CD82: variants seen among roughly 807,000 people sequenced by gnomAD.
CD82 encodes CD82 antigen.
In CD82, 36 loss-of-function variants were observed where a neutral mutation model predicts 37.4. The observed-to-expected ratio is 0.96, with a 90% CI of 0.74 to 1.27. The LOEUF (loss-of-function observed/expected upper bound fraction) is 1.27, where lower values mean the gene tolerates loss of function less well. CD82 is among the 50% of genes most tolerant of loss of function. The pLI is 0.00. For missense variants in CD82, 340 were observed against 347.0 expected (o/e 0.98, Z 0.16); for synonymous variants, 158 against 137.4 (o/e 1.15, Z -1.05).
intron 1 of CD82, among the ~76,000 whole-genome samples, chr11:44,566,886 T>A (rs908915930): frequency 6.6e-6 from 1 of 152,082 alleles, no homozygotes; most frequent in Non-Finnish European, 1.5e-5. Flanking sequence ...ATCACTCTAT[T>A]TGAGGGATGA....
At chr11:44,605,972 A>G (rs1853389342) in intron 6 of CD82, among the ~76,000 whole-genome samples, 1 of 152,228 alleles carries the variant, frequency 6.6e-6, no homozygotes, top group Admixed American at 6.5e-5. Flanking sequence ...AGAAAATCAG[A>G]CTTACAGCGG....
chr11:44,590,479 C>T (rs1162611884), intron 2 of CD82, among the ~76,000 whole-genome samples: 3 of 151,170 alleles, frequency 2.0e-5, no homozygotes, highest in Non-Finnish European at 4.4e-5. Flanking sequence ...GGCATGGTGG[C>T]GGGCGCCTGT....
At chr11:44,596,860 G>T (rs1853235047) in intron 3 of CD82, 2 of 455,508 alleles carry the variant, frequency 4.4e-6, no homozygotes, top group Non-Finnish European at 8.8e-6. Flanking sequence ...GGGAGCAGTG[G>T]GCTTCCATCA....
At chr11:44,583,198 C>G (rs1853005778) in intron 1 of CD82, among the ~76,000 whole-genome samples, 1 of 152,194 alleles carries the variant, frequency 6.6e-6, no homozygotes, top group African/African-American at 2.4e-5. Flanking sequence ...AACAGTCAAG[C>G]AAGGGAGCTG....
chr11:44,586,663 C>T (rs1480460019), intron 1 of CD82, among the ~76,000 whole-genome samples: 2 of 152,106 alleles, frequency 1.3e-5, no homozygotes, highest in Admixed American at 6.5e-5. Context: ...CCTGTCTCAA[C>T]AAATATATAC....
chr11:44,583,682 G>T (rs1853013018), intron 1 of CD82, among the ~76,000 whole-genome samples: 1 of 152,184 alleles, frequency 6.6e-6, no homozygotes, highest in African/African-American at 2.4e-5. Flanking sequence ...CACTTGTGTG[G>T]CCTTAGGCAA....
At position 44,597,595 on chromosome 11, in the gene CD82, G is replaced by C. The variant is rs1214947029; in HGVS notation, c.64-2563G>C. On this transcript the variant is annotated intron_variant, in intron 3 of 9. Coordinates refer to ENST00000227155, the MANE Select transcript of CD82 (RefSeq NM_002231.4). This position sits in a 1 kb window ranked among gnomAD's most constrained non-coding sequence, Gnocchi z 4.1. ...TTGCTCTCTGGGTTCCTCTTGGCAA[G>C]CTGAGGAGCCAGCTGAGTAGTGTGG... 2.0e-5 allele frequency among the ~76,000 whole-genome samples: 3 copies of C among 152,262 alleles called. No individual in the cohort carries two copies. The highest frequency in any genetic ancestry group is 3.2e-3 in the Middle Eastern group (1 of 316).
At chr11:44,598,799 C>T (rs891999171) in intron 3 of CD82, among the ~76,000 whole-genome samples, 1 of 152,142 alleles carries the variant, frequency 6.6e-6, no homozygotes, top group Non-Finnish European at 1.5e-5. Flanking sequence ...GCTCGGGGCT[C>T]TATGGCAGCT....
chr11:44,591,689 C>CA (rs1853147253), intron 2 of CD82, among the ~76,000 whole-genome samples: 1 of 152,186 alleles, frequency 6.6e-6, no homozygotes, highest in South Asian at 2.1e-4. Flanking sequence ...TCTGGTCTGC[C>CA]AGGGATAGGA....
At chr11:44,565,315 C>G (rs1852713284), upstream of CD82, among the ~76,000 whole-genome samples, 1 of 151,986 alleles carries the variant, frequency 6.6e-6, no homozygotes, top group African/African-American at 2.4e-5. Flanking sequence ...ACCGGGAGGA[C>G]GAGGTAGGCG....
At chr11:44,566,486 A>C (rs545819561) in intron 1 of CD82, among the ~76,000 whole-genome samples, 2 of 152,212 alleles carry the variant, frequency 1.3e-5, no homozygotes, top group East Asian at 3.9e-4. Flanking sequence ...TTCTTGGCTG[A>C]CGGGTTCTGT....
At chr11:44,609,913 G>T (rs1853456502) in intron 6 of CD82, among the ~76,000 whole-genome samples, 1 of 152,170 alleles carries the variant, frequency 6.6e-6, no homozygotes, top group South Asian at 2.1e-4. Flanking sequence ...CTGCATTCTG[G>T]GGTAGCTAAT....
intron 6 of CD82, among the ~76,000 whole-genome samples, chr11:44,612,694 G>A (rs1240792551): frequency 9.9e-5 from 14 of 141,136 alleles, no homozygotes; most frequent in South Asian, 4.6e-4. Flanking sequence ...GTGCAGTGGC[G>A]TGATCTCGGC....
chr11:44,600,986 AG>A (rs1480423202), intron 4 of CD82, among the ~76,000 whole-genome samples: 1 of 152,216 alleles, frequency 6.6e-6, no homozygotes, highest in East Asian at 1.9e-4. Context: ...CAGAGGCAGA[AG>A]GAAAGGGGCC....
intron 3 of CD82, among the ~76,000 whole-genome samples, chr11:44,598,495 C>T (rs538307420): frequency 1.8e-4 from 25 of 139,132 alleles, no homozygotes; most frequent in African/African-American, 4.5e-4. Context: ...TCACTGCCAC[C>T]GCCGCTTCCT....
chr11:44,619,013 C>A (rs1853614320), intron 9 of CD82, 36 bp from the exon 10 acceptor site: 2 of 1,592,146 alleles, frequency 1.3e-6, no homozygotes, highest in Non-Finnish European at 1.7e-6. Flanking sequence ...GGCCGGGACA[C>A]CCAGCCTCCC....
chr11:44,612,873 G>A (rs1026551462), intron 6 of CD82, among the ~76,000 whole-genome samples: 15 of 152,018 alleles, frequency 9.9e-5, no homozygotes, highest in South Asian at 2.1e-4. Flanking sequence ...TCCTGAGCTC[G>A]TAATCTGCCC....
intron 2 of CD82, among the ~76,000 whole-genome samples, 189 bp from the exon 3 acceptor site, chr11:44,594,454 A>G (rs1853191943): frequency 6.6e-6 from 1 of 152,130 alleles, no homozygotes; most frequent in Non-Finnish European, 1.5e-5. Flanking sequence ...CCAAGCATCA[A>G]GTGCCTGGCA....
chr11:44,618,225 C>T lies in CD82; in HGVS notation c.502C>T (p.Pro168Ser). The T allele has an allele frequency of 1.2e-6, 2 of 1,614,070 alleles. No individual in the cohort carries two copies. Among genetic ancestry groups the T allele is most frequent in the South Asian group, 1.1e-5 (1 of 91,086 alleles). ...WTDNAELMNRPEVTYPCSCEV... is the reference protein window; with the variant it reads ...WTDNAELMNRSEVTYPCSCEV... ...AGACAACGCTGAGCTCATGAATCGCCCTGAGGTCACCTACCCCTGTTCCTG... is the reference window on the plus strand; with the variant it reads ...AGACAACGCTGAGCTCATGAATCGCTCTGAGGTCACCTACCCCTGTTCCTG... Residue 168 changes from proline to serine, a missense_variant, in exon 8 of 10, where the codon CCT becomes TCT. Transcript: ENST00000227155.
Sources: gnomAD v4.1 joint callset for allele counts (sites outside exome capture counted in the v4.1 genomes callset) on GRCh38, gnomAD v4.1.1 for gene constraint, Gnocchi (gnomAD v3.1) non-coding constraint, MANE v1.5 for transcripts, NCBI Gene and HGNC (gene_info 2026-07-23, HGNC 2026-07-21) for gene names.